The following CYTH1 variants were observed in gnomAD, a reference collection of about 807,000 sequenced individuals.
The protein encoded by CYTH1 is cytohesin 1, also known as cytohesin-1.
A neutral mutation model predicts 61.8 loss-of-function variants in CYTH1; 18 were observed. The ratio of observed to expected loss-of-function variants is 0.29; its 90% CI spans 0.20 to 0.43. The LOEUF is 0.43. Ranked by LOEUF, CYTH1 falls within the 20% of genes least tolerant of loss-of-function variation. The pLI is 1.00. For missense variants in CYTH1, 336 were observed against 510.5 expected (o/e 0.66, Z 3.29); for synonymous variants, 174 against 184.3 (o/e 0.94, Z 0.45).
intron 1 of CYTH1, among the ~76,000 whole-genome samples, chr17:78,728,548 C>CAAA (rs879444799): frequency 7.9e-6 from 1 of 126,856 alleles, no homozygotes. Context: ...AACTCCATCT[C>CAAA]AAAAAAAAAA....
At chr17:78,714,913 G>A (rs1013395622) in intron 1 of CYTH1, among the ~76,000 whole-genome samples, 1 of 151,828 alleles carries the variant, frequency 6.6e-6, no homozygotes, top group Admixed American at 6.6e-5. Context: ...TCTGGAAAAG[G>A]GACAATTACA....
intron 1 of CYTH1, among the ~76,000 whole-genome samples, chr17:78,748,275 G>A (rs1299546465): frequency 2.0e-5 from 3 of 152,194 alleles, no homozygotes; most frequent in Non-Finnish European, 4.4e-5. Flanking sequence ...GCTTGGCGTG[G>A]TTTTACTGGA....
chr17:78,729,293 A>C (rs2144584694), intron 1 of CYTH1, among the ~76,000 whole-genome samples: 1 of 152,304 alleles, frequency 6.6e-6, no homozygotes, highest in African/African-American at 2.4e-5. Flanking sequence ...TTAAGTCACA[A>C]AGAAAGCAGC....
intron 1 of CYTH1, among the ~76,000 whole-genome samples, chr17:78,752,442 CTTTTT>C (rs1277691804): frequency 6.6e-6 from 1 of 150,436 alleles, no homozygotes; most frequent in South Asian, 2.1e-4. Flanking sequence ...CAGAGAACTT[CTTTTT>C]TTTGAGACAG....
chr17:78,752,016 G>A (rs1259014412), intron 1 of CYTH1, among the ~76,000 whole-genome samples: 5 of 152,198 alleles, frequency 3.3e-5, no homozygotes, highest in Non-Finnish European at 5.9e-5. Flanking sequence ...GATAACAGGC[G>A]TGAGCCACCG....
intron 1 of CYTH1, among the ~76,000 whole-genome samples, chr17:78,722,799 T>C (rs544026602): frequency 3.9e-5 from 6 of 152,182 alleles, no homozygotes; most frequent in South Asian, 2.1e-4. Context: ...TGTGTATTGA[T>C]GGAAAGAGGA....
chr17:78,711,904 T>G (rs970069954), intron 1 of CYTH1, among the ~76,000 whole-genome samples: 1 of 151,618 alleles, frequency 6.6e-6, no homozygotes, highest in African/African-American at 2.4e-5. Context: ...GGTGAAACCC[T>G]GTCTCTACTA....
intron 1 of CYTH1, among the ~76,000 whole-genome samples, chr17:78,760,734 A>C (rs1738826472): frequency 6.6e-6 from 1 of 151,592 alleles, no homozygotes; most frequent in Admixed American, 6.6e-5. Flanking sequence ...TTACACAAAA[A>C]GCATCATATA....
rs1307125861 is a variant in CYTH1 at position 78,760,528 on chromosome 17, T to TATAC, written c.22+21670_22+21673dup. The stretch of plus-strand genomic sequence containing the variant: ...ATATGTATATATATGTATATATATA[T>TATAC]ATACATACATATATATGTATATATA... On this transcript the variant is annotated intron_variant, in intron 1 of 13. Transcript: ENST00000446868. Among the ~76,000 whole-genome samples the TATAC allele has an allele frequency of 6.3e-5, 3 of 47,400 alleles. 1 individual carries two copies. The highest frequency in any genetic ancestry group is 1.3e-4 in the Non-Finnish European group (3 of 23,010). 31.1% of individuals were successfully genotyped at this position (47,400 alleles called of 152,430 possible).
At chr17:78,756,560 T>C (rs1435663711) in intron 1 of CYTH1, among the ~76,000 whole-genome samples, 1 of 152,192 alleles carries the variant, frequency 6.6e-6, no homozygotes, top group Non-Finnish European at 1.5e-5. Context: ...CTAATGAGGC[T>C]ATTTGAAGTC....
Position 78,700,214 on chromosome 17 carries a change from T to C in CYTH1, c.550+117A>G. 1.2e-6 allele frequency: 1 copy of C among 833,200 alleles called. No individual in the cohort carries two copies. Among genetic ancestry groups the C allele is most frequent in the Non-Finnish European group, 1.8e-6 (1 of 549,856 alleles). 51.6% of individuals were successfully genotyped at this position (833,200 alleles called of 1,614,324 possible). A position where few individuals can be genotyped will look rare whatever the true frequency, so the allele number is the denominator to read the frequency against. ...AACATTTTACTATTATAACTATCATTGAGTAAACGTTCCTAGGCATGAATC... is the reference window on the plus strand; with the variant it reads ...AACATTTTACTATTATAACTATCATCGAGTAAACGTTCCTAGGCATGAATC... On this transcript the variant is annotated intron_variant, in intron 7 of 13. Coordinates refer to ENST00000446868, the MANE Select transcript of CYTH1 (RefSeq NM_004762.6). This position sits in a 1 kb window ranked among gnomAD's most constrained non-coding sequence, Gnocchi z 5.1.
intron 11 of CYTH1, among the ~76,000 whole-genome samples, chr17:78,685,829 C>G (rs1353232316): frequency 1.3e-5 from 2 of 152,110 alleles, no homozygotes; most frequent in Non-Finnish European, 2.9e-5. Context: ...GATAAAGGGT[C>G]TTGGGTCATT....
At chr17:78,727,096 G>A (rs1423113255) in intron 1 of CYTH1, among the ~76,000 whole-genome samples, 1 of 152,212 alleles carries the variant, frequency 6.6e-6, no homozygotes, top group African/African-American at 2.4e-5. Context: ...TGAGGCACAA[G>A]GAATACATTC....
intron 13 of CYTH1, 100 bp from the exon 14 acceptor site, chr17:78,676,269 A>C: frequency 9.0e-7 from 1 of 1,115,074 alleles, no homozygotes. Context: ...GCCCCAGAAC[A>C]CCTGTCCCAC....
intron 1 of CYTH1, among the ~76,000 whole-genome samples, chr17:78,724,544 G>A (rs1337882515): frequency 6.6e-6 from 1 of 152,162 alleles, no homozygotes; most frequent in East Asian, 1.9e-4. Context: ...GGTGCCAGCA[G>A]CATCCCCATC....
chr17:78,718,047 G>A (rs1041885216), intron 1 of CYTH1, among the ~76,000 whole-genome samples: 3 of 152,032 alleles, frequency 2.0e-5, no homozygotes, highest in Middle Eastern at 3.2e-3. Flanking sequence ...CCTCATTTGC[G>A]GAGAAGGTAA....
At chr17:78,735,406 C>T (rs1376592640) in intron 1 of CYTH1, among the ~76,000 whole-genome samples, 1 of 152,228 alleles carries the variant, frequency 6.6e-6, no homozygotes, top group Non-Finnish European at 1.5e-5. Flanking sequence ...TCCTCTTCCA[C>T]TCTCAAAAGT....
intron 13 of CYTH1, chr17:78,676,430 A>G: frequency 2.0e-6 from 1 of 495,860 alleles, no homozygotes; most frequent in East Asian, 3.6e-5. Context: ...ATCAATTCAC[A>G]TTTAGGAACA....
rs1347777695 is a variant in CYTH1 at position 78,745,498 on chromosome 17, A to C, written c.23-35766T>G. Among the ~76,000 whole-genome samples, 7 of 152,360 alleles carry C rather than the reference A, an allele frequency of 4.6e-5. 1 individual carries two copies. The South Asian group carries it at 1.4e-3, about 32-fold the overall frequency. ...ACAGTAGTTTTAAACGCCCTTTAAA[A>C]TAAAGTCAAAAATACTGAATGTCAT... On this transcript the variant is annotated intron_variant, in intron 1 of 13. Coordinates refer to ENST00000446868, the MANE Select transcript of CYTH1 (RefSeq NM_004762.6).
Sources: allele counts gnomAD v4.1 joint callset (sites outside exome capture counted in the v4.1 genomes callset), GRCh38; gene constraint gnomAD v4.1.1; non-coding constraint Gnocchi (gnomAD v3.1); transcripts MANE v1.5; gene names NCBI Gene and HGNC (gene_info 2026-07-23, HGNC 2026-07-21).